The following RANBP17 variants were observed in gnomAD, a reference collection of about 807,000 sequenced individuals.
The protein encoded by RANBP17 is RAN binding protein 17, also known as ran-binding protein 17.
A neutral mutation model predicts 141.2 loss-of-function variants in RANBP17; 158 were observed. The observed-to-expected ratio is 1.12, with a 90% CI of 0.98 to 1.28. RANBP17 has a LOEUF of 1.28. Ranked by LOEUF, RANBP17 falls within the 50% of genes most tolerant of loss-of-function variation. The pLI is 0.00. For synonymous variants in RANBP17, 430 were observed against 450.0 expected, an observed-to-expected ratio of 0.96 and a Z score of 0.56; for missense variants, 1,438 against 1,290.7, an observed-to-expected ratio of 1.11 and a Z score of -1.75.
At chr5:171,216,272 G>T (rs890973391) in intron 21 of RANBP17, among the ~76,000 whole-genome samples, 1 of 152,000 alleles carries the variant, frequency 6.6e-6, no homozygotes, top group Non-Finnish European at 1.5e-5. Context: ...TATCTGTTTT[G>T]GTACCAGTAT....
intron 25 of RANBP17, among the ~76,000 whole-genome samples, chr5:171,277,576 C>A (rs1767575105): frequency 2.3e-5 from 3 of 129,252 alleles, no homozygotes; most frequent in Admixed American, 1.7e-4. Context: ...AAAAAAAAAA[C>A]CACTAGAATC....
chr5:170,919,995 A>G (rs1326772128), intron 11 of RANBP17, among the ~76,000 whole-genome samples: 2 of 152,028 alleles, frequency 1.3e-5, no homozygotes, highest in Non-Finnish European at 2.9e-5. Context: ...TTGTGTTAGT[A>G]CTTTACTTTC....
intron 14 of RANBP17, among the ~76,000 whole-genome samples, chr5:171,130,647 A>T (rs2127788774): frequency 6.6e-6 from 1 of 151,930 alleles, no homozygotes; most frequent in Middle Eastern, 3.4e-3. Context: ...TGTTGGCCAG[A>T]CTGGCCTCAA....
chr5:170,896,049 G>T lies in RANBP17; in HGVS notation c.424-1G>T, dbSNP rs146184859. 3 of 1,588,610 alleles carry T rather than the reference G, an allele frequency of 1.9e-6. No individual in the cohort carries two copies. The East Asian group carries it at 6.9e-5, about 36-fold the overall frequency. On this transcript the variant is annotated splice_acceptor_variant, in intron 4 of 27. Coordinates refer to ENST00000523189, the MANE Select transcript of RANBP17 (RefSeq NM_022897.5). LOFTEE classifies it high-confidence loss of function. ...GCTAAACTTTGTTATTTTCTCCAAA[G>T]GGTACTGTGGAACACTGCATAATAG...
intron 14 of RANBP17, among the ~76,000 whole-genome samples, chr5:171,067,385 A>G (rs910357835): frequency 2.0e-5 from 3 of 152,106 alleles, no homozygotes; most frequent in Admixed American, 6.5e-5. Flanking sequence ...CTTTTAAATC[A>G]TATTGGAAGC....
chr5:171,291,973 G>T (rs1188306345), intron 25 of RANBP17, among the ~76,000 whole-genome samples: 4 of 152,182 alleles, frequency 2.6e-5, no homozygotes, highest in Non-Finnish European at 5.9e-5. Context: ...ACTTCAAGAT[G>T]CTTTTTCAGT....
chr5:171,062,535 A>G (rs1477472475), intron 14 of RANBP17, among the ~76,000 whole-genome samples: 1 of 152,150 alleles, frequency 6.6e-6, no homozygotes, highest in Non-Finnish European at 1.5e-5. Flanking sequence ...ATCCGCTGTT[A>G]GTCTGATGGG....
At chr5:171,059,413 A>G (rs956898087) in intron 14 of RANBP17, among the ~76,000 whole-genome samples, 34 of 152,316 alleles carry the variant, frequency 2.2e-4, no homozygotes, top group African/African-American at 7.9e-4. Context: ...CCATTTATTA[A>G]ACAGGAAATC....
intron 24 of RANBP17, among the ~76,000 whole-genome samples, chr5:171,258,147 ACACAC>A (rs1766041245): frequency 6.7e-6 from 1 of 149,542 alleles, no homozygotes; most frequent in Non-Finnish European, 1.5e-5. Context: ...ACACACACAC[ACACAC>A]ACACACACCC....
intron 24 of RANBP17, among the ~76,000 whole-genome samples, chr5:171,245,610 A>G (rs1444481890): frequency 1.3e-5 from 2 of 152,100 alleles, no homozygotes; most frequent in Admixed American, 1.3e-4. Flanking sequence ...CACTGCACCC[A>G]GCCAATTTTG....
intron 14 of RANBP17, among the ~76,000 whole-genome samples, chr5:171,074,259 G>T (rs1784788246): frequency 6.6e-6 from 1 of 152,020 alleles, no homozygotes. Flanking sequence ...TCAGATTGAA[G>T]GAAATTTTAC....
At chr5:170,988,382 T>TTC (rs1274226995) in intron 14 of RANBP17, among the ~76,000 whole-genome samples, 1 of 151,160 alleles carries the variant, frequency 6.6e-6, no homozygotes, top group Middle Eastern at 3.2e-3. Context: ...GATTTTTTTT[T>TTC]TTGGTGATTC....
intron 14 of RANBP17, among the ~76,000 whole-genome samples, chr5:171,108,631 C>G (rs138837070): frequency 1.5e-4 from 23 of 152,194 alleles, no homozygotes; most frequent in African/African-American, 5.5e-4. Flanking sequence ...CAGCTGGTCT[C>G]AAACTCCTGA....
At chr5:170,969,359 A>T (rs1157365824) in intron 14 of RANBP17, among the ~76,000 whole-genome samples, 1 of 151,898 alleles carries the variant, frequency 6.6e-6, no homozygotes. Flanking sequence ...ACCATTTGGA[A>T]GAAAAAGAGT....
At chr5:171,008,584 A>G (rs1277502071) in intron 14 of RANBP17, among the ~76,000 whole-genome samples, 1 of 152,208 alleles carries the variant, frequency 6.6e-6, no homozygotes, top group East Asian at 1.9e-4. Context: ...GTTAGGAGCA[A>G]TGTTTTGCGG....
intron 22 of RANBP17, 88 bp from the exon 23 acceptor site, chr5:171,240,840 C>A: frequency 1.3e-6 from 1 of 753,812 alleles, no homozygotes; most frequent in Non-Finnish European, 2.1e-6. Flanking sequence ...TGAACATTAG[C>A]AGTAAAGTAA....
chr5:171,172,324 C>T (rs934637543), intron 16 of RANBP17, among the ~76,000 whole-genome samples: 6 of 151,720 alleles, frequency 4.0e-5, no homozygotes, highest in Non-Finnish European at 7.4e-5. Context: ...GCAATAAAGC[C>T]AGGGAGGGCT....
At position 170,973,901 on chromosome 5, in the gene RANBP17, G is replaced by C. The variant is rs74427565; in HGVS notation, c.1710+5524G>C. 4.7e-3 allele frequency among the ~76,000 whole-genome samples: 710 copies of C among 152,266 alleles called. 40 individuals are homozygous for C. The East Asian group carries it at 0.12, about 25-fold the overall frequency. Reference sequence around the variant, plus strand: ...TTATGAGGACACTAGTCTCATCCATGAGAGCTCTGCCCTCATGACCTAATT... The same window carrying C: ...TTATGAGGACACTAGTCTCATCCATCAGAGCTCTGCCCTCATGACCTAATT... On this transcript the variant is annotated intron_variant, in intron 14 of 27. Transcript: ENST00000523189.
intron 14 of RANBP17, among the ~76,000 whole-genome samples, chr5:171,154,745 C>A (rs1340615635): frequency 5.9e-5 from 9 of 151,978 alleles, no homozygotes; most frequent in Admixed American, 5.9e-4. Flanking sequence ...TGTATAACCT[C>A]AAGAAATCTA....
Sources: gnomAD v4.1 joint callset for allele counts (sites outside exome capture counted in the v4.1 genomes callset) on GRCh38, gnomAD v4.1.1 for gene constraint, MANE v1.5 for transcripts, NCBI Gene and HGNC (gene_info 2026-07-23, HGNC 2026-07-21) for gene names.